The following TCF4 variants were observed in gnomAD, a reference collection of about 807,000 sequenced individuals.
TCF4 encodes transcription factor 4.
Under a neutral mutation model 82.1 loss-of-function variants are expected in TCF4, and 3 were observed. That is an observed-to-expected ratio of 0.04 (90% CI 0.02 to 0.09). TCF4 has a LOEUF of 0.09. Among genes scored for constraint, TCF4 ranks in the 10% least tolerant of loss-of-function variants. The pLI, the probability that TCF4 is intolerant of heterozygous loss-of-function variation, is 1.00. For synonymous variants in TCF4, 276 were observed against 309.6 expected (o/e 0.89, Z 1.14); for missense variants, 518 against 852.7 (o/e 0.61, Z 4.89).
intron 5 of TCF4, among the ~76,000 whole-genome samples, chr18:55,416,650 G>A (rs1211650086): frequency 6.6e-6 from 1 of 152,136 alleles, no homozygotes; most frequent in Non-Finnish European, 1.5e-5. Flanking sequence ...TTACATGTAG[G>A]TCACAATAAA....
chr18:55,545,303 A>AT, intron 3 of TCF4, among the ~76,000 whole-genome samples: 1 of 152,072 alleles, frequency 6.6e-6, no homozygotes, highest in Non-Finnish European at 1.5e-5. Context: ...CTATGTAAAC[A>AT]TTTTTTTGAT....
intron 2 of TCF4, among the ~76,000 whole-genome samples, chr18:55,613,009 T>C (rs2097708568): frequency 1.3e-5 from 2 of 152,140 alleles, no homozygotes; most frequent in Non-Finnish European, 2.9e-5. Context: ...ATCACCCCAA[T>C]AGTGTACTTT....
At chr18:55,350,793 G>C in intron 7 of TCF4, 81 bp downstream of exon 7, 1 of 1,590,618 alleles carries the variant, frequency 6.3e-7, no homozygotes, top group South Asian at 1.1e-5. Flanking sequence ...GTAGGATGGG[G>C]GGGCGATATT....
intron 5 of TCF4, among the ~76,000 whole-genome samples, chr18:55,428,797 A>C (rs1344758396): frequency 6.6e-6 from 1 of 152,204 alleles, no homozygotes; most frequent in Non-Finnish European, 1.5e-5. Flanking sequence ...TGGTGTCAAA[A>C]AACAATCTTA....
Position 55,413,126 on chromosome 18 carries a change from TG to T in TCF4, c.305-9609del, listed in dbSNP as rs200550010. ...GATACTCAAAACTACATCAAAAGAA[TG>T]GGGGGGGACATGACAATGTTATATA... On this transcript the variant is annotated intron_variant, in intron 5 of 19. Coordinates refer to ENST00000354452, the MANE Select transcript of TCF4 (RefSeq NM_001083962.2). Among the ~76,000 whole-genome samples, 266 of 151,860 alleles carry T rather than the reference TG, an allele frequency of 1.8e-3. 2 individuals carry two copies. The highest frequency in any genetic ancestry group is 5.9e-3 in the African/African-American group (245 of 41,410).
intron 3 of TCF4, among the ~76,000 whole-genome samples, chr18:55,524,587 A>G (rs1041455706): frequency 6.6e-6 from 1 of 152,160 alleles, no homozygotes; most frequent in Non-Finnish European, 1.5e-5. Flanking sequence ...AAATCTGATA[A>G]ATCTGTATAA....
chr18:55,352,088 C>T (rs2082428881), intron 6 of TCF4: 2 of 199,470 alleles, frequency 1.0e-5, no homozygotes, highest in African/African-American at 4.7e-5. Context: ...TTCACTAACA[C>T]ACTATTCACA....
chr18:55,460,460 T>C (rs1003272122), intron 5 of TCF4, among the ~76,000 whole-genome samples: 5 of 152,184 alleles, frequency 3.3e-5, no homozygotes, highest in African/African-American at 1.2e-4. Flanking sequence ...GTAACTTGCT[T>C]TAATAAAGCA....
Position 55,572,907 on chromosome 18 carries a change from G to T in TCF4, c.145+12373C>A, listed in dbSNP as rs372736512. ...TGTCTCTACTAAAAATACAAAATTA[G>T]CCAGGTGTGGTGGCACATGCTTGTA... is the stretch of plus-strand genomic sequence containing the variant. On this transcript the variant is annotated intron_variant, in intron 3 of 19. Coordinates refer to ENST00000354452, the MANE Select transcript of TCF4 (RefSeq NM_001083962.2). Among the ~76,000 whole-genome samples, 4 of 152,054 alleles carry T rather than the reference G, an allele frequency of 2.6e-5. 1 individual carries two copies. The highest frequency in any genetic ancestry group is 2.6e-4 in the Admixed American group (4 of 15,270).
intron 5 of TCF4, among the ~76,000 whole-genome samples, chr18:55,431,048 G>A (rs993261305): frequency 2.6e-5 from 4 of 152,108 alleles, no homozygotes; most frequent in African/African-American, 9.7e-5. Context: ...TGAAAAGAAA[G>A]GTCCCAGGAG....
chr18:55,319,461 A>T (rs1381308828), intron 8 of TCF4, among the ~76,000 whole-genome samples: 2 of 152,174 alleles, frequency 1.3e-5, no homozygotes, highest in Non-Finnish European at 2.9e-5. Context: ...GCTAAGATGG[A>T]CAACTGGTAG....
chr18:55,393,918 G>A (rs1443972586), intron 6 of TCF4, among the ~76,000 whole-genome samples: 2 of 152,136 alleles, frequency 1.3e-5, no homozygotes, highest in African/African-American at 4.8e-5. Context: ...TTTTTTTACA[G>A]GTATAGTTTT....
chr18:55,520,643 G>T (rs1310034751), intron 3 of TCF4, among the ~76,000 whole-genome samples: 1 of 152,126 alleles, frequency 6.6e-6, no homozygotes, highest in Non-Finnish European at 1.5e-5. Flanking sequence ...ATTTATAAAT[G>T]AAGATGCAAC....
intron 6 of TCF4, among the ~76,000 whole-genome samples, chr18:55,367,746 C>T (rs2087622404): frequency 6.6e-6 from 1 of 152,082 alleles, no homozygotes; most frequent in East Asian, 1.9e-4. Context: ...TGCAAGGCAC[C>T]CTCTATATTC....
At chr18:55,365,429 GAAC>G (rs2086757546) in intron 6 of TCF4, among the ~76,000 whole-genome samples, 2 of 151,536 alleles carry the variant, frequency 1.3e-5, no homozygotes, top group Admixed American at 6.6e-5. Context: ...TGTCGAGTGA[GAAC>G]AACTTCAGAG....
intron 8 of TCF4, among the ~76,000 whole-genome samples, chr18:55,329,577 G>C (rs1389721479): frequency 1.3e-5 from 2 of 152,124 alleles, no homozygotes; most frequent in East Asian, 3.8e-4. Flanking sequence ...AATGATTTGG[G>C]AAAAAAATTG....
chr18:55,488,628 A>G lies in TCF4; in HGVS notation c.146-24491T>C, dbSNP rs181900581. ...TGATGCTACTAACCTAGGGTTTCTA[A>G]TGATTCCAATCCTGCATCCTCACAT... On this transcript the variant is annotated intron_variant, in intron 3 of 19. Transcript: ENST00000354452. 4.3e-3 allele frequency among the ~76,000 whole-genome samples: 654 copies of G among 152,284 alleles called. 2 individuals carry two copies. The highest frequency in any genetic ancestry group is 0.015 in the African/African-American group (605 of 41,568).
At chr18:55,301,134 T>C (rs996365718) in intron 8 of TCF4, among the ~76,000 whole-genome samples, 3 of 151,916 alleles carry the variant, frequency 2.0e-5, no homozygotes, top group African/African-American at 7.3e-5. Flanking sequence ...ACAAGGCAAT[T>C]AGAAGAAAAG....
intron 8 of TCF4, among the ~76,000 whole-genome samples, 191 bp from the exon 9 acceptor site, chr18:55,279,847 G>A (rs1354480013): frequency 6.6e-6 from 1 of 152,276 alleles, no homozygotes; most frequent in African/African-American, 2.4e-5. Context: ...CAAAAGCTCG[G>A]TGTATTTGTG....
Sources: allele counts gnomAD v4.1 joint callset (sites outside exome capture counted in the v4.1 genomes callset), GRCh38; gene constraint gnomAD v4.1.1; transcripts MANE v1.5; gene names NCBI Gene and HGNC (gene_info 2026-07-23, HGNC 2026-07-21).